Variants in LARGE1 observed in about 807,000 individuals in gnomAD.
The protein encoded by LARGE1 is LARGE xylosyl- and glucuronyltransferase 1, also known as xylosyl- and glucuronyltransferase LARGE1.
Under a neutral mutation model 87.6 loss-of-function variants are expected in LARGE1, and 43 were observed. The observed-to-expected ratio is 0.49, with a 90% CI of 0.38 to 0.63. The LOEUF is 0.63. LARGE1 is among the 30% of genes least tolerant of loss of function. The pLI is 0.00. For missense variants in LARGE1, 802 were observed against 1,000.2 expected, an observed-to-expected ratio of 0.80 and a Z score of 2.67; for synonymous variants, 434 against 394.6, an observed-to-expected ratio of 1.10 and a Z score of -1.18.
intron 6 of LARGE1, among the ~76,000 whole-genome samples, chr22:33,541,903 C>T (rs1602335874): frequency 6.6e-6 from 1 of 152,058 alleles, no homozygotes; most frequent in African/African-American, 2.4e-5. Flanking sequence ...TGGCTCATGT[C>T]TATAATCCCA....
intron 11 of LARGE1, among the ~76,000 whole-genome samples, chr22:33,169,971 GT>G (rs1225332093): frequency 6.6e-6 from 1 of 152,106 alleles, no homozygotes. Context: ...ACTTGCTATG[GT>G]CCAAATATTT....
chr22:33,411,388 T>C (rs1461032799), intron 7 of LARGE1, among the ~76,000 whole-genome samples: 1 of 152,210 alleles, frequency 6.6e-6, no homozygotes. Flanking sequence ...AAAGCTCAAG[T>C]TGGGTTCCTA....
chr22:33,067,223 A>G, the LARGE1 span, among the ~76,000 whole-genome samples: 1 of 152,098 alleles, frequency 6.6e-6, no homozygotes, highest in South Asian at 2.1e-4. Flanking sequence ...CAGTGAAAGA[A>G]GGCATTTGAA....
At chr22:33,603,514 T>C (rs1396452614) in intron 5 of LARGE1, among the ~76,000 whole-genome samples, 2 of 152,206 alleles carry the variant, frequency 1.3e-5, no homozygotes, top group African/African-American at 4.8e-5. Flanking sequence ...GTCTTCCTCT[T>C]TCCTGTGGAA....
chr22:33,830,402 T>C (rs1392043719), intron 1 of LARGE1, among the ~76,000 whole-genome samples: 8 of 152,102 alleles, frequency 5.3e-5, no homozygotes, highest in Non-Finnish European at 1.5e-5. Flanking sequence ...GTGAAGGAAT[T>C]GTCAGGGACA....
the LARGE1 span, among the ~76,000 whole-genome samples, chr22:33,089,303 TC>T: frequency 7.7e-6 from 1 of 129,650 alleles, no homozygotes; most frequent in African/African-American, 2.8e-5. Context: ...TTCTTCTTCC[TC>T]TTCTTCTTCT....
At chr22:33,436,306 C>A (rs982698205) in intron 6 of LARGE1, among the ~76,000 whole-genome samples, 1 of 152,196 alleles carries the variant, frequency 6.6e-6, no homozygotes, top group South Asian at 2.1e-4. Context: ...ATAGTCACTG[C>A]CTATCCTAAC....
At chr22:33,750,480 C>T (rs766955618) in intron 2 of LARGE1, 4 of 152,006 alleles carry the variant, frequency 2.6e-5, no homozygotes, top group Admixed American at 2.0e-4. Flanking sequence ...GTTTAACATG[C>T]GATAAATAGA....
chr22:33,658,863 C>G (rs1026706154), intron 2 of LARGE1, among the ~76,000 whole-genome samples: 2 of 152,338 alleles, frequency 1.3e-5, no homozygotes, highest in Non-Finnish European at 2.9e-5. Context: ...GAAATGCTGG[C>G]TGAGGCATTT....
At chr22:33,542,504 G>A (rs575127135) in intron 6 of LARGE1, among the ~76,000 whole-genome samples, 11 of 151,204 alleles carry the variant, frequency 7.3e-5, no homozygotes, top group South Asian at 2.1e-4. Context: ...AAAATATATC[G>A]TAGAATCCAA....
rs1371909058 is a variant in LARGE1, at chr22:33,570,885, G to C, written c.616-5866C>G. Among the ~76,000 whole-genome samples, 3 of 151,904 alleles carry C rather than the reference G, an allele frequency of 2.0e-5. No homozygotes were observed. In the East Asian group the frequency reaches 5.8e-4, roughly 29 times the overall value. On this transcript the variant is annotated intron_variant, in intron 5 of 14. Transcript: ENST00000397394. ...CCAACCAGGAACTTCTTACATCATG[G>C]GGTCAATGGAGAGAAGAGCACCCTC... is the stretch of plus-strand genomic sequence containing the variant.
chr22:33,083,631 G>A, the LARGE1 span, among the ~76,000 whole-genome samples: 1 of 152,180 alleles, frequency 6.6e-6, no homozygotes, highest in Non-Finnish European at 1.5e-5. Flanking sequence ...GTGATCAGTG[G>A]AATAAATAAA....
intron 2 of LARGE1, among the ~76,000 whole-genome samples, chr22:33,688,816 A>G (rs1467635970): frequency 2.0e-5 from 3 of 151,872 alleles, no homozygotes; most frequent in African/African-American, 7.3e-5. Context: ...ATCCTGACCA[A>G]CTGTGCTGTC....
chr22:33,092,710 G>C, the LARGE1 span, among the ~76,000 whole-genome samples: 1 of 148,630 alleles, frequency 6.7e-6, no homozygotes, highest in African/African-American at 2.5e-5. Flanking sequence ...ACTTATAAGT[G>C]AGAACATGTG....
At chr22:33,240,295 C>T (rs1926452164) in intron 11 of LARGE1, among the ~76,000 whole-genome samples, 1 of 152,146 alleles carries the variant, frequency 6.6e-6, no homozygotes, top group African/African-American at 2.4e-5. Flanking sequence ...TTTTAAGTGA[C>T]TTTTCAAGTC....
At position 33,829,006 on chromosome 22, in the gene LARGE1, CT is replaced by C. The variant is rs776583343; in HGVS notation, c.-82-67449del. ...GAGATGCTTTGTGAAGTCTCTTTTT[CT>C]TTTTTTTTTTTTTTTTTTTTTGAGA... On this transcript the variant is annotated intron_variant, in intron 1 of 14. Transcript: ENST00000397394. Among the ~76,000 whole-genome samples the C allele has an allele frequency of 9.7e-3, 922 of 94,764 alleles. 1 individual carries two copies. The highest frequency in any genetic ancestry group is 0.022 in the Middle Eastern group (3 of 134). 62.2% of individuals were successfully genotyped at this position (94,764 alleles called of 152,430 possible).
At chr22:33,795,876 C>T (rs1164724578) in intron 1 of LARGE1, among the ~76,000 whole-genome samples, 1 of 151,724 alleles carries the variant, frequency 6.6e-6, no homozygotes, top group Non-Finnish European at 1.5e-5. Flanking sequence ...GGAGAGATAG[C>T]ATTAGGAGAT....
intron 6 of LARGE1, among the ~76,000 whole-genome samples, chr22:33,458,560 G>A (rs1317236591): frequency 6.6e-6 from 1 of 151,968 alleles, no homozygotes; most frequent in Admixed American, 6.6e-5. Flanking sequence ...TGAGTAGCTG[G>A]GATTACAGGC....
chr22:33,255,254 A>G (rs1407332451), intron 11 of LARGE1, among the ~76,000 whole-genome samples: 1 of 152,116 alleles, frequency 6.6e-6, no homozygotes, highest in Non-Finnish European at 1.5e-5. Context: ...GTAAACTTCT[A>G]TCTTAGTTGA....
Sources: allele counts gnomAD v4.1 joint callset (sites outside exome capture counted in the v4.1 genomes callset), GRCh38; gene constraint gnomAD v4.1.1; transcripts MANE v1.5; gene names NCBI Gene and HGNC (gene_info 2026-07-23, HGNC 2026-07-21).